Variants in KDM7A observed in about 807,000 individuals in gnomAD.
The protein encoded by KDM7A is lysine demethylase 7A, also known as lysine-specific demethylase 7A.
Under a neutral mutation model 114.8 loss-of-function variants are expected in KDM7A, and 28 were observed. That is an observed-to-expected ratio of 0.24 (90% CI 0.18 to 0.33). The LOEUF is 0.33. Ranked by LOEUF, KDM7A falls within the 10% of genes least tolerant of loss-of-function variation. KDM7A has a pLI of 1.00. For synonymous variants in KDM7A, 423 were observed against 397.8 expected (o/e 1.06, Z -0.75); for missense variants, 942 against 1,142.5 (o/e 0.82, Z 2.53).
At chr7:140,093,127 T>C (rs1215158687) in intron 18 of KDM7A, among the ~76,000 whole-genome samples, 1 of 152,166 alleles carries the variant, frequency 6.6e-6, no homozygotes, top group Non-Finnish European at 1.5e-5. Flanking sequence ...TGATGTTCCA[T>C]ATTTAGGGGT....
intron 3 of KDM7A, 52 bp from the exon 4 acceptor site, chr7:140,129,705 T>A: frequency 4.2e-6 from 5 of 1,201,924 alleles, no homozygotes; most frequent in Non-Finnish European, 6.1e-6. Context: ...AAGGTCAGTT[T>A]AAAAAAAATA....
chr7:140,087,487 A>C lies in KDM7A; in HGVS notation c.*3607T>G, dbSNP rs1458137392. 1 of 152,248 alleles carries C rather than the reference A, an allele frequency of 6.6e-6. No homozygotes were observed. The highest frequency in any genetic ancestry group is 1.5e-5 in the Non-Finnish European group (1 of 68,038). 9.4% of individuals were successfully genotyped at this position (152,248 alleles called of 1,614,324 possible). A position where few individuals can be genotyped will look rare whatever the true frequency, so the allele number is the denominator to read the frequency against. ...TTGATATAAAATAAACATCATGAAT[A>C]GTATTAGTTTTCATTTAAAAATATA... On this transcript the variant is annotated 3_prime_UTR_variant, in exon 20 of 20. Transcript: ENST00000397560.
chr7:140,100,713 T>TATATATATATATATATATATATACACAC (rs1562946056), intron 12 of KDM7A, among the ~76,000 whole-genome samples: 1 of 33,096 alleles, frequency 3.0e-5, no homozygotes, highest in Non-Finnish European at 8.2e-5. Flanking sequence ...TATATACACA[T>TATATATATATATATATATATATACACAC]ATATATATAT....
intron 1 of KDM7A, among the ~76,000 whole-genome samples, chr7:140,167,407 T>C (rs1440844181): frequency 1.3e-5 from 2 of 151,976 alleles, no homozygotes; most frequent in Admixed American, 1.3e-4. Context: ...AAGGGACAAA[T>C]CAACCAGTGG....
chr7:140,092,402 G>C (rs986522785), intron 18 of KDM7A, among the ~76,000 whole-genome samples: 4 of 152,186 alleles, frequency 2.6e-5, no homozygotes, highest in Non-Finnish European at 4.4e-5. Context: ...GGAATGGATC[G>C]ATCTCCCACT....
In KDM7A at chr7:140,098,926, G is replaced by A. The variant is rs760419851; in HGVS notation, c.1871C>T (p.Ser624Leu). ...TTCATGTTCCACTCCCTCTACTCCT[G>A]AACTCTCTTCTATCTTCATTTTTGC... ...KKAKMKIEES[S>L]GVEGVEHEES... The change falls in exon 14 of 20, where the codon TCA (serine) becomes TTA (leucine). Residue 624 changes from serine to leucine, a missense_variant. Ser to Leu is a moderately radical substitution (Grantham distance 145). Coordinates refer to ENST00000397560, the MANE Select transcript of KDM7A (RefSeq NM_030647.2). 1 of 1,611,274 alleles carries A rather than the reference G, an allele frequency of 6.2e-7. No individual in the cohort carries two copies. Among genetic ancestry groups the A allele is most frequent in the South Asian group, 1.1e-5 (1 of 90,924 alleles).
chr7:140,093,905 G>C (rs1221399690), intron 18 of KDM7A, 151 bp downstream of exon 18: 21 of 638,224 alleles, frequency 3.3e-5, no homozygotes, highest in Non-Finnish European at 5.1e-5. Flanking sequence ...TCTCAAAATG[G>C]ACAGTTGTTC....
intron 1 of KDM7A, among the ~76,000 whole-genome samples, chr7:140,143,903 G>A (rs1289484014): frequency 6.6e-6 from 1 of 152,030 alleles, no homozygotes; most frequent in Non-Finnish European, 1.5e-5. Flanking sequence ...GAAAGCAAAA[G>A]GTGAATATGC....
chr7:140,160,625 C>T (rs185784611), intron 1 of KDM7A, among the ~76,000 whole-genome samples: 228 of 152,236 alleles, frequency 1.5e-3, no homozygotes, highest in Non-Finnish European at 2.8e-3. Context: ...TGGTAACACT[C>T]CTGAAGAGAT....
intron 9 of KDM7A, among the ~76,000 whole-genome samples, chr7:140,116,199 T>G (rs1475987593): frequency 6.6e-6 from 1 of 152,222 alleles, no homozygotes; most frequent in African/African-American, 2.4e-5. Context: ...CTTAGCAGCA[T>G]TTTCCGTAAT....
At chr7:140,155,672 C>T (rs1300303167) in intron 1 of KDM7A, among the ~76,000 whole-genome samples, 3 of 152,164 alleles carry the variant, frequency 2.0e-5, no homozygotes, top group Non-Finnish European at 2.9e-5. Flanking sequence ...AAAAAAGAAT[C>T]GCAAGGAAGG....
At chr7:140,103,891 C>G (rs1237274822) in intron 11 of KDM7A, among the ~76,000 whole-genome samples, 3 of 152,244 alleles carry the variant, frequency 2.0e-5, no homozygotes, top group Non-Finnish European at 4.4e-5. Context: ...GCCACATTGA[C>G]TTCCACAATG....
rs1355381813 is a variant in KDM7A, at chr7:140,153,009, G to A, written c.195-13819C>T. ...CGAGTAGCTGGGAATACAGGCACGC[G>A]CCACCACACCCAGCTAATTTTTGTA... On this transcript the variant is annotated intron_variant, in intron 1 of 19. Coordinates refer to ENST00000397560, the MANE Select transcript of KDM7A (RefSeq NM_030647.2). 7.3e-5 allele frequency among the ~76,000 whole-genome samples: 11 copies of A among 151,650 alleles called. No individual in the cohort carries two copies. The South Asian group carries it at 1.0e-3, about 14-fold the overall frequency.
At position 140,088,333 on chromosome 7, in the gene KDM7A, ACAGT is replaced by A. The variant is rs890628023; in HGVS notation, c.*2757_*2760del. On this transcript the variant is annotated 3_prime_UTR_variant, in exon 20 of 20. Coordinates refer to ENST00000397560, the MANE Select transcript of KDM7A (RefSeq NM_030647.2). ...TTATAATCCAATGGATCCCAGCTGA[ACAGT>A]CACTTATTTGAAACAATACAGGAAA... 57 of 392,418 alleles carry A rather than the reference ACAGT, an allele frequency of 1.5e-4. No individual in the cohort carries two copies. Among genetic ancestry groups the A allele is most frequent in the African/African-American group, 1.2e-3 (56 of 48,478 alleles). The allele number at this position is 392,418 out of a possible 1,614,324, so 24.3% of individuals were successfully genotyped here.
chr7:140,145,996 C>G (rs910492697), intron 1 of KDM7A, among the ~76,000 whole-genome samples: 27 of 152,172 alleles, frequency 1.8e-4, no homozygotes, highest in African/African-American at 6.3e-4. Flanking sequence ...ATGAGTTCCT[C>G]TCTCTAGTGT....
chr7:140,092,291 A>C (rs545004995), intron 18 of KDM7A: 41 of 593,722 alleles, frequency 6.9e-5, no homozygotes, highest in African/African-American at 6.0e-4. Context: ...TAAGTTAAGA[A>C]GGCGAAAGAG....
intron 11 of KDM7A, among the ~76,000 whole-genome samples, chr7:140,110,175 T>C (rs1818409542): frequency 6.6e-6 from 1 of 152,162 alleles, no homozygotes; most frequent in African/African-American, 2.4e-5. Context: ...AAAGTAAAGA[T>C]TTATAGTTTT....
At chr7:140,171,856 G>A (rs1794646534) in intron 1 of KDM7A, among the ~76,000 whole-genome samples, 1 of 151,878 alleles carries the variant, frequency 6.6e-6, no homozygotes. Flanking sequence ...CATCCATAGT[G>A]TATTCTTTTT....
At chr7:140,094,231 G>C in intron 17 of KDM7A, 93 bp from the exon 18 acceptor site, 1 of 824,026 alleles carries the variant, frequency 1.2e-6, no homozygotes, top group South Asian at 1.3e-5. Context: ...CAGGTTGGGC[G>C]TGATGGCTCA....
Sources: gnomAD v4.1 joint callset for allele counts (sites outside exome capture counted in the v4.1 genomes callset) on GRCh38, gnomAD v4.1.1 for gene constraint, MANE v1.5 for transcripts, NCBI Gene and HGNC (gene_info 2026-07-23, HGNC 2026-07-21) for gene names.